SCARB1: variants seen among roughly 807,000 people sequenced by gnomAD.
The protein encoded by SCARB1 is scavenger receptor class B member 1.
Under a neutral mutation model 57.2 loss-of-function variants are expected in SCARB1, and 30 were observed. That is an observed-to-expected ratio of 0.52 (90% confidence interval 0.39 to 0.71). The LOEUF (loss-of-function observed/expected upper bound fraction) is 0.71, where lower values mean the gene tolerates loss of function less well. Ranked by LOEUF, SCARB1 falls within the 30% of genes least tolerant of loss-of-function variation. The pLI is 0.00. For synonymous variants in SCARB1, 249 were observed against 268.3 expected, an observed-to-expected ratio of 0.93 and a Z score of 0.70; for missense variants, 543 against 671.2, an observed-to-expected ratio of 0.81 and a Z score of 2.11.
chr12:124,821,955 C>T (rs993998754), intron 1 of SCARB1, among the ~76,000 whole-genome samples: 5 of 152,150 alleles, frequency 3.3e-5, no homozygotes, highest in Non-Finnish European at 5.9e-5. Flanking sequence ...GTCCCCACCA[C>T]CCCCAAGGTC....
intron 1 of SCARB1, among the ~76,000 whole-genome samples, chr12:124,824,698 G>A (rs974563893): frequency 3.3e-5 from 5 of 152,134 alleles, no homozygotes; most frequent in Non-Finnish European, 7.4e-5. Flanking sequence ...CTGGGGAGTC[G>A]GGACAGTTTC....
chr12:124,863,387 CT>C (rs1566277232), intron 1 of SCARB1, among the ~76,000 whole-genome samples: 2 of 152,182 alleles, frequency 1.3e-5, no homozygotes. Flanking sequence ...GGGTTCCCCC[CT>C]AGCCTCAGTC....
At chr12:124,839,733 G>A (rs11057850) in intron 1 of SCARB1, 2,582 of 37,122 alleles carry the variant, frequency 0.07, 166 homozygotes, top group Non-Finnish European at 0.075. Flanking sequence ...TCACCCCAAC[G>A]GCACACATGG....
intron 1 of SCARB1, among the ~76,000 whole-genome samples, chr12:124,847,030 C>T (rs1327394767): frequency 6.6e-6 from 1 of 152,234 alleles, no homozygotes; most frequent in Non-Finnish European, 1.5e-5. Context: ...TGGGACCAAA[C>T]ACAGTGTCTT....
intron 7 of SCARB1, among the ~76,000 whole-genome samples, chr12:124,806,902 C>G (rs946873398): frequency 6.6e-6 from 1 of 151,500 alleles, no homozygotes; most frequent in East Asian, 1.9e-4. Flanking sequence ...TACCTTGTCT[C>G]AAAATATAAA....
intron 1 of SCARB1, among the ~76,000 whole-genome samples, chr12:124,832,133 G>C (rs1951420014): frequency 6.6e-6 from 1 of 152,222 alleles, no homozygotes; most frequent in Admixed American, 6.5e-5. Context: ...AGCAACAAAT[G>C]TATCCCATTC....
intron 6 of SCARB1, among the ~76,000 whole-genome samples, chr12:124,809,965 C>G (rs906933666): frequency 1.3e-5 from 2 of 152,234 alleles, no homozygotes; most frequent in Non-Finnish European, 2.9e-5. Flanking sequence ...CAAACCACCA[C>G]CAGCAGCCTC....
Position 124,811,482 on chromosome 12 carries a change from T to C in SCARB1, c.726+388A>G, listed in dbSNP as rs7957364. Among the ~76,000 whole-genome samples the C allele has an allele frequency of 2.0e-5, 3 of 152,182 alleles. No homozygotes were observed. In the South Asian group the frequency reaches 6.2e-4, roughly 32 times the overall value. On this transcript the variant is annotated intron_variant, in intron 5 of 12. Coordinates refer to ENST00000261693, the MANE Select transcript of SCARB1 (RefSeq NM_005505.5). The stretch of plus-strand genomic sequence containing the variant: ...GAGACAGGGTTTTGCCATGTTGGCC[T>C]GGCTGGTCTCGAACTCCTGACCTCA...
At chr12:124,795,422 G>GC (rs563985213) in intron 8 of SCARB1, among the ~76,000 whole-genome samples, 154 bp from the exon 9 acceptor site, 4 of 103,896 alleles carry the variant, frequency 3.9e-5, no homozygotes, top group Non-Finnish European at 7.3e-5. Flanking sequence ...GCCACAGGCT[G>GC]GGGGGGGTCA....
chr12:124,802,670 A>C (rs989892), intron 7 of SCARB1, among the ~76,000 whole-genome samples: 61,317 of 152,058 alleles, frequency 0.4, 13,054 homozygotes, highest in Non-Finnish European at 0.47. Context: ...GCACGCCGAG[A>C]GAGATCTTCC....
intron 1 of SCARB1, among the ~76,000 whole-genome samples, chr12:124,821,127 G>A (rs1417538152): frequency 2.6e-5 from 4 of 151,920 alleles, no homozygotes; most frequent in East Asian, 1.9e-4. Context: ...AGTCCCAGCC[G>A]CTTGGGAGGC....
chr12:124,857,072 C>T (rs1952665794), intron 1 of SCARB1, among the ~76,000 whole-genome samples: 1 of 152,156 alleles, frequency 6.6e-6, no homozygotes, highest in Non-Finnish European at 1.5e-5. Context: ...CCCCCGCCGC[C>T]CGCCTTAAGC....
chr12:124,807,312 G>A lies in SCARB1; in HGVS notation c.1009+449C>T, dbSNP rs1461506442. ...AAGAGGGGGCAGAAGAGGGAGGAGA[G>A]GAAGAGATATGAGGACAGAGTGGAT... On this transcript the variant is annotated intron_variant, in intron 7 of 12. Coordinates refer to ENST00000261693, the MANE Select transcript of SCARB1 (RefSeq NM_005505.5). The surrounding 1 kb of genome is among the most constrained non-coding windows in gnomAD (Gnocchi z 5.3). 2.0e-5 allele frequency among the ~76,000 whole-genome samples: 3 copies of A among 152,148 alleles called. No homozygotes were observed. The highest frequency in any genetic ancestry group is 4.4e-5 in the Non-Finnish European group (3 of 68,026).
chr12:124,811,185 T>C (rs1422356111), intron 5 of SCARB1, among the ~76,000 whole-genome samples: 1 of 152,182 alleles, frequency 6.6e-6, no homozygotes, highest in East Asian at 1.9e-4. Flanking sequence ...AACTGATAAT[T>C]GTGGGTTTCC....
chr12:124,815,299 G>A (rs554238517), intron 2 of SCARB1, among the ~76,000 whole-genome samples, 185 bp from the exon 3 acceptor site: 1 of 152,204 alleles, frequency 6.6e-6, no homozygotes, highest in African/African-American at 2.4e-5. Flanking sequence ...GCCCACTGCA[G>A]GACATGGTGT....
chr12:124,825,181 C>T (rs1951094776), intron 1 of SCARB1, among the ~76,000 whole-genome samples: 2 of 138,862 alleles, frequency 1.4e-5, no homozygotes, highest in Non-Finnish European at 3.0e-5. Context: ...GCCAAAATTG[C>T]GCCACTGCAC....
chr12:124,788,582 T>C (rs558728654), intron 9 of SCARB1, among the ~76,000 whole-genome samples: 1 of 152,330 alleles, frequency 6.6e-6, no homozygotes, highest in South Asian at 2.1e-4. Context: ...ATGGAAGCCA[T>C]GTGTTGGGAA....
chr12:124,839,432 C>CCGATTTCTCCGCATCCTCACCAATATTTG (rs1951823645), intron 1 of SCARB1, among the ~76,000 whole-genome samples: 1 of 152,202 alleles, frequency 6.6e-6, no homozygotes, highest in African/African-American at 2.4e-5. Flanking sequence ...GGATGGGCCC[C>CCGATTTCTCCGCATCCTCACCAATATTTG]AGCTTCTTAC....
At chr12:124,852,733 G>A (rs1952468616) in intron 1 of SCARB1, among the ~76,000 whole-genome samples, 1 of 152,240 alleles carries the variant, frequency 6.6e-6, no homozygotes, top group Non-Finnish European at 1.5e-5. Flanking sequence ...GGAATAGCAT[G>A]GTGTGGTTAT....
Sources: allele counts gnomAD v4.1 joint callset (sites outside exome capture counted in the v4.1 genomes callset), GRCh38; gene constraint gnomAD v4.1.1; non-coding constraint Gnocchi (gnomAD v3.1); transcripts MANE v1.5; gene names NCBI Gene and HGNC (gene_info 2026-07-23, HGNC 2026-07-21).